The following SHANK2 variants were observed in gnomAD, a reference collection of about 807,000 sequenced individuals.
SHANK2 encodes SH3 and multiple ankyrin repeat domains 2, also known as SH3 and multiple ankyrin repeat domains protein 2.
Under a neutral mutation model 133.7 loss-of-function variants are expected in SHANK2, and 43 were observed. That is an observed-to-expected ratio of 0.32 (90% CI 0.25 to 0.41). The LOEUF is 0.41. Among genes scored for constraint, SHANK2 ranks in the 10% least tolerant of loss-of-function variants. The probability of loss-of-function intolerance (pLI) is 1.00; values close to 1 mark genes in which losing one functional copy is unlikely to be tolerated. For synonymous variants in SHANK2, 1,017 were observed against 952.8 expected, an observed-to-expected ratio of 1.07 and a Z score of -1.24; for missense variants, 1,994 against 2,235.8, an observed-to-expected ratio of 0.89 and a Z score of 2.18.
rs1359770040 is a variant in SHANK2 at position 71,070,886 on chromosome 11, G to C, written c.1029+4273C>G. Among the ~76,000 whole-genome samples, 3 of 152,294 alleles carry C rather than the reference G, an allele frequency of 2.0e-5. No homozygotes were observed. The East Asian group carries it at 5.8e-4, about 29-fold the overall frequency. On this transcript the variant is annotated intron_variant, in intron 9 of 25. Transcript: ENST00000601538. ...CCGAGGTGGGGAGAGGATGTCCTGA[G>C]AGCCCCAGCCAGCTTGGGACCCTCC...
intron 14 of SHANK2, among the ~76,000 whole-genome samples, chr11:70,795,214 G>A (rs1408912986): frequency 1.5e-4 from 23 of 151,868 alleles, no homozygotes; most frequent in Admixed American, 1.4e-3. Context: ...GTGTTAGGGA[G>A]AAAGATGGCT....
intron 14 of SHANK2, among the ~76,000 whole-genome samples, chr11:70,788,114 AG>A (rs1240867062): frequency 6.6e-6 from 1 of 152,144 alleles, no homozygotes; most frequent in Non-Finnish European, 1.5e-5. Flanking sequence ...ATGGCTCCCG[AG>A]GGAGAGCAGG....
chr11:71,097,894 A>G (rs1344004296), intron 6 of SHANK2, among the ~76,000 whole-genome samples: 1 of 150,406 alleles, frequency 6.6e-6, no homozygotes, highest in African/African-American at 2.5e-5. Flanking sequence ...CTGTGTGTGC[A>G]TGGCTGTGTG....
At chr11:70,845,450 G>A (rs959830884) in intron 11 of SHANK2, among the ~76,000 whole-genome samples, 2 of 152,128 alleles carry the variant, frequency 1.3e-5, no homozygotes, top group Non-Finnish European at 2.9e-5. Flanking sequence ...CCAAGTCCAT[G>A]GCATTTTTCC....
intron 14 of SHANK2, among the ~76,000 whole-genome samples, chr11:70,718,728 A>G (rs1175379303): frequency 1.0e-5 from 1 of 98,954 alleles, no homozygotes; most frequent in Non-Finnish European, 1.8e-5. Flanking sequence ...TGCTGGCCTG[A>G]ATGTCCATCA....
intron 10 of SHANK2, among the ~76,000 whole-genome samples, chr11:70,927,305 C>T (rs1312370327): frequency 6.6e-6 from 1 of 152,136 alleles, no homozygotes; most frequent in Non-Finnish European, 1.5e-5. Flanking sequence ...TGAACTCGAT[C>T]TCCAGAAAAG....
intron 17 of SHANK2, among the ~76,000 whole-genome samples, chr11:70,655,043 A>C (rs2061389387): frequency 6.6e-6 from 1 of 152,178 alleles, no homozygotes; most frequent in African/African-American, 2.4e-5. Context: ...TGCTGGGATT[A>C]CAGGCGTGAT....
upstream of SHANK2, among the ~76,000 whole-genome samples, chr11:71,253,034 C>G (rs1948214498): frequency 6.6e-6 from 1 of 152,236 alleles, no homozygotes; most frequent in African/African-American, 2.4e-5. Context: ...AAACTTTGTA[C>G]CCGGGTGATA....
chr11:70,610,034 G>A (rs1468383566), intron 17 of SHANK2, among the ~76,000 whole-genome samples: 2 of 151,588 alleles, frequency 1.3e-5, no homozygotes, highest in African/African-American at 4.8e-5. Flanking sequence ...CACTGGGGAT[G>A]GCCAGGGACC....
chr11:70,889,735 G>C (rs1256243418), intron 11 of SHANK2, among the ~76,000 whole-genome samples: 2 of 152,204 alleles, frequency 1.3e-5, no homozygotes, highest in African/African-American at 2.4e-5. Flanking sequence ...GGCCTCAGTG[G>C]GTAGGAGAGG....
In SHANK2 at chr11:70,486,896, C is replaced by A. The variant is rs1555153971; in HGVS notation, c.3397G>T (p.Ala1133Ser). ...AGCTGCTCAGCGCTGTCCTCGTCAG[C>A]AAAATCCCCCTCCTCGGGGAACATG... ...PSMFPEEGDF[A>S]DEDSAEQLSS... Residue 1133 changes from alanine to serine, a missense_variant, in exon 25 of 26, where the codon GCT (alanine) becomes TCT (serine). Physicochemically the swap from Ala to Ser is moderately conservative, Grantham distance 99. This residue lies in a region of SHANK2 where 797 missense variants were observed against 907.4 expected (regional missense o/e 0.88). Transcript: ENST00000601538. This position sits in a 1 kb window ranked among gnomAD's most constrained non-coding sequence, Gnocchi z 8.0. The A allele has an allele frequency of 6.2e-7, 1 of 1,612,568 alleles. No individual in the cohort carries two copies. The highest frequency in any genetic ancestry group is 1.3e-5 in the African/African-American group (1 of 74,932).
rs979734155 is a variant in SHANK2, at chr11:70,468,417, G to A, written c.*4452C>T. 2.0e-5 allele frequency: 3 copies of A among 152,228 alleles called. No homozygotes were observed. Among genetic ancestry groups the A allele is most frequent in the Admixed American group, 2.0e-4 (3 of 15,284 alleles). 9.4% of individuals were successfully genotyped at this position (152,228 alleles called of 1,614,324 possible). On this transcript the variant is annotated 3_prime_UTR_variant, in exon 26 of 26. Coordinates refer to ENST00000601538, the MANE Select transcript of SHANK2 (RefSeq NM_012309.5). Reference sequence around the variant, plus strand: ...TGGAAATTCTCTGATTCCCCACAAAGCACGGGCAGTCCTGTCTGCATGCAG... The same window carrying A: ...TGGAAATTCTCTGATTCCCCACAAAACACGGGCAGTCCTGTCTGCATGCAG...
intron 2 of SHANK2, among the ~76,000 whole-genome samples, chr11:71,169,311 T>C (rs61887409): frequency 5.8e-4 from 89 of 152,238 alleles, no homozygotes; most frequent in Non-Finnish European, 1.0e-3. Context: ...ACTCAGGTGT[T>C]GCACATCCAG....
At chr11:70,937,346 C>T (rs1442110896) in intron 10 of SHANK2, among the ~76,000 whole-genome samples, 1 of 152,078 alleles carries the variant, frequency 6.6e-6, no homozygotes, top group Non-Finnish European at 1.5e-5. Context: ...AAACAAAAGC[C>T]CCAAATGCCT....
chr11:71,065,165 A>T (rs1951032761), intron 9 of SHANK2, among the ~76,000 whole-genome samples: 1 of 152,178 alleles, frequency 6.6e-6, no homozygotes, highest in African/African-American at 2.4e-5. Context: ...TGTGTCAGTG[A>T]GACAACAGCC....
chr11:70,526,923 C>G (rs1252394282), intron 17 of SHANK2, among the ~76,000 whole-genome samples: 2 of 151,388 alleles, frequency 1.3e-5, no homozygotes, highest in Non-Finnish European at 2.9e-5. Flanking sequence ...CTGGCCACCA[C>G]CCTGGGAGCA....
chr11:70,540,348 C>T lies in SHANK2; in HGVS notation c.2062-37417G>A, dbSNP rs191685356. Among the ~76,000 whole-genome samples, 79 of 145,740 alleles carry T rather than the reference C, an allele frequency of 5.4e-4. No homozygotes were observed. The Middle Eastern group carries it at 0.01, about 19-fold the overall frequency. On this transcript the variant is annotated intron_variant, in intron 17 of 25. Coordinates refer to ENST00000601538, the MANE Select transcript of SHANK2 (RefSeq NM_012309.5). Reference sequence around the variant, plus strand: ...GCCCACGGGCAGGTCAAGGGGACGGCGTCTGAGAAACCCAGGCAGGCTGGG... The same window carrying T: ...GCCCACGGGCAGGTCAAGGGGACGGTGTCTGAGAAACCCAGGCAGGCTGGG...
chr11:71,125,351 T>A (rs1319483251), intron 3 of SHANK2, among the ~76,000 whole-genome samples: 2 of 152,184 alleles, frequency 1.3e-5, no homozygotes, highest in African/African-American at 4.8e-5. Context: ...AACAAAATGT[T>A]CCTGAAGGAA....
intron 8 of SHANK2, among the ~76,000 whole-genome samples, chr11:71,089,727 C>T (rs1025327695): frequency 8.5e-5 from 13 of 152,156 alleles, no homozygotes; most frequent in Admixed American, 6.5e-4. Flanking sequence ...CTTGGGGACC[C>T]CCTGAAACAG....
Sources: allele counts gnomAD v4.1 joint callset (sites outside exome capture counted in the v4.1 genomes callset), GRCh38; gene constraint gnomAD v4.1.1; regional missense constraint gnomAD v4.1.1; non-coding constraint Gnocchi (gnomAD v3.1); transcripts MANE v1.5; gene names NCBI Gene and HGNC (gene_info 2026-07-23, HGNC 2026-07-21).